The following NBPF9 variants were observed in gnomAD, a reference collection of about 807,000 sequenced individuals.
NBPF9 encodes NBPF member 9.
NBPF9 carries 91 observed loss-of-function variants against 97.8 expected under a neutral mutation model. The ratio of observed to expected loss-of-function variants is 0.93; its 90% confidence interval spans 0.79 to 1.11. NBPF9 has a LOEUF of 1.11. NBPF9 is among the 50% of genes least tolerant of loss of function. The pLI is 0.00. For synonymous variants in NBPF9, 334 were observed against 359.5 expected, an observed-to-expected ratio of 0.93 and a Z score of 0.80; for missense variants, 992 against 939.5, an observed-to-expected ratio of 1.06 and a Z score of -0.73.
At chr1:149,073,004 A>T (rs2079544648) in intron 13 of NBPF9, 72 bp from the exon 14 acceptor site, 2 of 1,544,778 alleles carry the variant, frequency 1.3e-6, no homozygotes, top group Non-Finnish European at 1.8e-6. Context: ...TGCAACAGAG[A>T]TTTCTGAAAC....
chr1:149,062,835 T>C, intron 21 of NBPF9, 27 bp downstream of exon 21: 1 of 667,330 alleles, frequency 1.5e-6, no homozygotes, highest in Non-Finnish European at 2.7e-6. Context: ...AACACAGAAT[T>C]AAGCATCCAT....
rs1364086991 is a variant in NBPF9 at position 149,089,656 on chromosome 1, C to T, written c.-195+1097G>A. On this transcript the variant is annotated intron_variant, in intron 5 of 29. Coordinates refer to ENST00000584027, the Ensembl canonical transcript of NBPF9. ...ATAACGCTAGGTGACACTAATATCC[C>T]CAAGTCTGTGCTCATATTCGGAAAA... 8.5e-5 allele frequency among the ~76,000 whole-genome samples: 13 copies of T among 152,410 alleles called. No individual in the cohort carries two copies. The East Asian group carries it at 2.5e-3, about 29-fold the overall frequency.
chr1:149,066,737 C>A (rs320833), intron 17 of NBPF9: 1 of 93,198 alleles, frequency 1.1e-5, no homozygotes, highest in African/African-American at 4.5e-5. Flanking sequence ...ACCATGGCAC[C>A]AGAACTACGT....
At chr1:149,092,959 G>C (rs1356224946) in intron 4 of NBPF9, among the ~76,000 whole-genome samples, 1 of 152,016 alleles carries the variant, frequency 6.6e-6, no homozygotes, top group African/African-American at 2.4e-5. Flanking sequence ...GAGACACAGA[G>C]ACAAAGTACA....
chr1:149,076,696 G>C lies in NBPF9; in HGVS notation c.778+512C>G, dbSNP rs587698904. Among the ~76,000 whole-genome samples the C allele has an allele frequency of 2.1e-5, 3 of 146,020 alleles. 1 individual carries two copies. The highest frequency in any genetic ancestry group is 3.0e-5 in the Non-Finnish European group (2 of 66,106). On this transcript the variant is annotated intron_variant, in intron 11 of 29. Transcript: ENST00000584027. ...TTTTTTTTTTTGCATTTTTAGTAAA[G>C]ACGGGGTTTCACCGTGTTAGCCAGG...
At chr1:149,079,736 G>A (rs1453133006) in intron 8 of NBPF9, among the ~76,000 whole-genome samples, 1 of 151,594 alleles carries the variant, frequency 6.6e-6, no homozygotes, top group African/African-American at 2.4e-5. Flanking sequence ...GGTAAGTGGG[G>A]TGGCAATAGC....
At chr1:149,082,695 G>T (rs1553657204) in intron 5 of NBPF9, among the ~76,000 whole-genome samples, 3 of 143,634 alleles carry the variant, frequency 2.1e-5, no homozygotes, top group Admixed American at 1.4e-4. Context: ...GGCAGAAACA[G>T]TTTCCCAACA....
At chr1:149,056,346 A>G (rs2078243760) in intron 29 of NBPF9, among the ~76,000 whole-genome samples, 166 bp downstream of exon 29, 3 of 103,976 alleles carry the variant, frequency 2.9e-5, no homozygotes, top group Non-Finnish European at 5.8e-5. Flanking sequence ...AAGGGGAGGA[A>G]GAAATGGAAA....
intron 2 of NBPF9, among the ~76,000 whole-genome samples, chr1:149,101,917 C>T (rs1553245246): frequency 2.8e-5 from 4 of 142,754 alleles, no homozygotes; most frequent in African/African-American, 1.1e-4. Flanking sequence ...AAATTCATTA[C>T]CTGTACTTTT....
chr1:149,087,461 A>ATT, intron 5 of NBPF9, among the ~76,000 whole-genome samples: 1 of 143,172 alleles, frequency 7.0e-6, no homozygotes, highest in Middle Eastern at 3.5e-3. Context: ...TATATATTCC[A>ATT]TTTTTTTTTT....
At chr1:149,084,216 G>T (rs1254651862) in intron 5 of NBPF9, among the ~76,000 whole-genome samples, 4 of 143,438 alleles carry the variant, frequency 2.8e-5, no homozygotes, top group African/African-American at 1.0e-4. Context: ...CGAGTTAATG[G>T]GTGCAGCAAA....
chr1:149,086,156 G>A (rs1304964153), intron 5 of NBPF9, among the ~76,000 whole-genome samples: 6 of 149,516 alleles, frequency 4.0e-5, no homozygotes, highest in East Asian at 2.0e-4. Context: ...ATCATTCCGC[G>A]TTTGGGCTAT....
intron 5 of NBPF9, among the ~76,000 whole-genome samples, chr1:149,088,567 T>C (rs1424770818): frequency 3.9e-5 from 6 of 152,192 alleles, no homozygotes; most frequent in Non-Finnish European, 8.8e-5. Context: ...TTGGAAGTGT[T>C]GCCTTCTGTT....
intron 4 of NBPF9, among the ~76,000 whole-genome samples, chr1:149,094,093 C>A (rs1196713191): frequency 6.6e-6 from 1 of 151,996 alleles, no homozygotes; most frequent in African/African-American, 2.4e-5. Flanking sequence ...TGAGATGGCG[C>A]CGTTGCATTC....
At chr1:149,069,048 GA>G (rs1267018360) in intron 17 of NBPF9, among the ~76,000 whole-genome samples, 3 of 152,116 alleles carry the variant, frequency 2.0e-5, no homozygotes, top group African/African-American at 4.8e-5. Context: ...AATGAAGGCA[GA>G]AATAAAGACG....
At chr1:149,070,767 G>A (rs1474653973) in intron 16 of NBPF9, among the ~76,000 whole-genome samples, 167 bp downstream of exon 16, 4 of 152,236 alleles carry the variant, frequency 2.6e-5, no homozygotes, top group African/African-American at 7.2e-5. Flanking sequence ...GGGACTGGCA[G>A]ACAAAGGCAT....
chr1:149,080,470 C>T (rs1268192750), intron 7 of NBPF9, among the ~76,000 whole-genome samples: 86 of 150,176 alleles, frequency 5.7e-4, no homozygotes, highest in African/African-American at 1.8e-3. Flanking sequence ...TTTCCCAAGC[C>T]TTGCAGCCTC....
intron 13 of NBPF9, among the ~76,000 whole-genome samples, chr1:149,073,133 C>T (rs1365834295): frequency 6.7e-6 from 1 of 148,782 alleles, no homozygotes; most frequent in Non-Finnish European, 1.5e-5. Flanking sequence ...AGGGCTCCTG[C>T]AAGATCCTCG....
exon 30 of NBPF9, chr1:149,055,839 T>C (rs1559515532): frequency 2.5e-6 from 4 of 1,605,606 alleles, no homozygotes; most frequent in Admixed American, 1.7e-5. Context: ...TAGAATAACA[T>C]CCATCCAGTG....
Sources: gnomAD v4.1 joint callset for allele counts (sites outside exome capture counted in the v4.1 genomes callset) on GRCh38, gnomAD v4.1.1 for gene constraint, MANE v1.5 for transcripts, NCBI Gene and HGNC (gene_info 2026-07-23, HGNC 2026-07-21) for gene names.